Variants in OCM observed in about 807,000 individuals in gnomAD.
OCM encodes oncomodulin-1.
OCM carries 18 observed loss-of-function variants against 14.1 expected under a neutral mutation model. The observed-to-expected ratio is 1.28, with a 90% CI of 0.88 to 1.89. The LOEUF (loss-of-function observed/expected upper bound fraction) is 1.89. Ranked by LOEUF, OCM falls within the 40% of genes most tolerant of loss-of-function variation. OCM has a pLI of 0.00. For synonymous variants in OCM, 48 were observed against 51.0 expected, an observed-to-expected ratio of 0.94 and a Z score of 0.25; for missense variants, 140 against 137.6, an observed-to-expected ratio of 1.02 and a Z score of -0.09.
chr7:5,882,608 G>C lies in OCM; in HGVS notation c.177G>C (p.Leu59=), dbSNP rs1291840718. 5 of 1,613,960 alleles carry C rather than the reference G, an allele frequency of 3.1e-6. No homozygotes were observed. The highest frequency in any genetic ancestry group is 4.2e-6 in the Non-Finnish European group (5 of 1,180,020). Reference sequence around the variant, plus strand: ...TAGACAACGACCAGAGCGGGTACCTGGATGAAGAAGAGCTTAAGTAAGCTT... The same window carrying C: ...TAGACAACGACCAGAGCGGGTACCTCGATGAAGAAGAGCTTAAGTAAGCTT... ...RFIDNDQSGY[L]DEEELKFFLQ... is the part of the protein sequence containing the mutation. The change falls in exon 2 of 4, where the codon CTG becomes CTC. Residue 59 remains leucine, a synonymous_variant. Transcript: ENST00000242104.
chr7:5,883,861 A>T (rs1227380480), intron 2 of OCM, 29 bp from the exon 3 acceptor site: 1 of 1,612,574 alleles, frequency 6.2e-7, no homozygotes, highest in East Asian at 2.2e-5. Flanking sequence ...TCTTTTTGAA[A>T]ATCCCCATGG....
chr7:5,868,790 C>T, the OCM span, among the ~76,000 whole-genome samples: 6 of 152,130 alleles, frequency 3.9e-5, no homozygotes, highest in African/African-American at 9.7e-5. Flanking sequence ...AGGCCGAGCA[C>T]GGTGGCTGAT....
intron 3 of OCM, 111 bp downstream of exon 3, chr7:5,884,110 T>A (rs1431200938): frequency 2.7e-6 from 3 of 1,105,762 alleles, no homozygotes; most frequent in East Asian, 5.3e-5. Flanking sequence ...TTCTTAAACT[T>A]ACCGAGCCTC....
Position 5,882,605 on chromosome 7 carries a change from C to A in OCM, c.174C>A (p.Tyr58Ter), listed in dbSNP as rs199609202. 7.4e-6 allele frequency: 12 copies of A among 1,614,028 alleles called. No homozygotes were observed. The highest frequency in any genetic ancestry group is 1.3e-5 in the African/African-American group (1 of 74,992). Residue 58 changes from tyrosine (Y) to a stop codon, truncating the protein, a stop_gained, in exon 2 of 4, where the codon TAC becomes TAA. Coordinates refer to ENST00000242104, the MANE Select transcript of OCM (RefSeq NM_001097622.2). LOFTEE classifies it high-confidence loss of function. ...TCATAGACAACGACCAGAGCGGGTA[C>A]CTGGATGAAGAAGAGCTTAAGTAAG... is the stretch of plus-strand genomic sequence containing the variant. ...FRFIDNDQSG[Y>*]LDEEELKFFL...
the OCM span, among the ~76,000 whole-genome samples, chr7:5,864,620 G>A: frequency 6.6e-6 from 1 of 152,080 alleles, no homozygotes; most frequent in African/African-American, 2.4e-5. Context: ...CCACACCCAG[G>A]CACTTAATAA....
intron 1 of OCM, 75 bp from the exon 2 acceptor site, chr7:5,882,418 G>T: frequency 2.0e-6 from 3 of 1,515,252 alleles, no homozygotes; most frequent in Non-Finnish European, 2.7e-6. Context: ...TTAATTATCT[G>T]TGTTTTTAGT....
upstream of OCM, among the ~76,000 whole-genome samples, chr7:5,875,508 A>G (rs1781078304): frequency 6.6e-6 from 1 of 152,068 alleles, no homozygotes; most frequent in African/African-American, 2.4e-5. Context: ...GAGTGTCACT[A>G]CATCACCCTG....
At chr7:5,862,547 C>A in the OCM span, among the ~76,000 whole-genome samples, 1 of 152,200 alleles carries the variant, frequency 6.6e-6, no homozygotes, top group African/African-American at 2.4e-5. Flanking sequence ...ATCATCCTTC[C>A]ACCTACCCTG....
chr7:5,860,420 A>G, the OCM span, among the ~76,000 whole-genome samples: 1 of 143,186 alleles, frequency 7.0e-6, no homozygotes, highest in African/African-American at 2.5e-5. Flanking sequence ...GTATATATAT[A>G]TTACGTATAT....
intron 2 of OCM, among the ~76,000 whole-genome samples, chr7:5,883,468 G>T (rs1781267330): frequency 2.0e-5 from 3 of 152,146 alleles, no homozygotes; most frequent in Non-Finnish European, 4.4e-5. Context: ...TTGCTTGAGT[G>T]AGCCCAGGGG....
chr7:5,875,142 C>T (rs1309185956), upstream of OCM, among the ~76,000 whole-genome samples: 1 of 151,604 alleles, frequency 6.6e-6, no homozygotes, highest in African/African-American at 2.4e-5. Flanking sequence ...GCAACCTCCA[C>T]CTCCCGGGTT....
chr7:5,872,250 T>C, the OCM span, among the ~76,000 whole-genome samples: 4 of 152,114 alleles, frequency 2.6e-5, no homozygotes, highest in Non-Finnish European at 2.9e-5. Flanking sequence ...CCCCCATCCT[T>C]GTTATTCATT....
chr7:5,868,593 G>A, the OCM span, among the ~76,000 whole-genome samples: 2 of 152,026 alleles, frequency 1.3e-5, no homozygotes, highest in Admixed American at 1.3e-4. Context: ...GGGGAAAAAA[G>A]ACATAGCCAG....
Position 5,885,590 on chromosome 7 carries a change from G to GTT in OCM, c.305-466_305-465dup, listed in dbSNP as rs112720841. Among the ~76,000 whole-genome samples, 5 of 147,590 alleles carry GTT rather than the reference G, an allele frequency of 3.4e-5. No individual in the cohort carries two copies. In the South Asian group the frequency reaches 6.4e-4, roughly 19 times the overall value. ...CGAGATATAGTCATTGATACCCAGG[G>GTT]TTTTTTTTTCTTTCTTTCTTTCCTT... On this transcript the variant is annotated intron_variant, in intron 3 of 3. Coordinates refer to ENST00000242104, the MANE Select transcript of OCM (RefSeq NM_001097622.2).
the OCM span, among the ~76,000 whole-genome samples, chr7:5,864,045 G>C: frequency 1.6e-3 from 246 of 152,070 alleles, 2 homozygotes; most frequent in African/African-American, 5.5e-3. Flanking sequence ...GGGAACAAGG[G>C]GGGCAAAGAG....
chr7:5,877,051 C>CT (rs1781109424), upstream of OCM, among the ~76,000 whole-genome samples: 1 of 152,114 alleles, frequency 6.6e-6, no homozygotes. Context: ...GGTGATCTGC[C>CT]TGCCTCGGCC....
At chr7:5,860,221 G>A in the OCM span, among the ~76,000 whole-genome samples, 23 of 151,756 alleles carry the variant, frequency 1.5e-4, no homozygotes, top group Non-Finnish European at 3.1e-4. Context: ...CAGCTCATCC[G>A]TAAGTTGAGA....
rs538778648 is a variant in OCM at position 5,885,742 on chromosome 7, C to T, written c.305-322C>T. Among the ~76,000 whole-genome samples, 5 of 151,974 alleles carry T rather than the reference C, an allele frequency of 3.3e-5. No homozygotes were observed. The South Asian group carries it at 1.0e-3, about 32-fold the overall frequency. On this transcript the variant is annotated intron_variant, in intron 3 of 3. Transcript: ENST00000242104. ...TCTCCTGCCTCAGCCTCCCAAGTAG[C>T]TGGGACTACAGGCACGTGCCACAAC...
chr7:5,881,914 C>T (rs1207549943), intron 1 of OCM, among the ~76,000 whole-genome samples: 1 of 151,688 alleles, frequency 6.6e-6, no homozygotes, highest in East Asian at 1.9e-4. Flanking sequence ...TGGCAAAACC[C>T]TGTCTCTATT....
Sources: allele counts gnomAD v4.1 joint callset (sites outside exome capture counted in the v4.1 genomes callset), GRCh38; gene constraint gnomAD v4.1.1; transcripts MANE v1.5; gene names NCBI Gene and HGNC (gene_info 2026-07-23, HGNC 2026-07-21).